The following UBXN6 variants were observed in gnomAD, a reference collection of about 807,000 sequenced individuals.
UBXN6 encodes UBX domain protein 6.
Under a neutral mutation model 51.4 loss-of-function variants are expected in UBXN6, and 44 were observed. The observed-to-expected ratio is 0.86, with a 90% CI of 0.67 to 1.10. The LOEUF is 1.10. UBXN6 is among the 50% of genes least tolerant of loss of function. The pLI is 0.00. For synonymous variants in UBXN6, 316 were observed against 263.2 expected (o/e 1.20, Z -1.94); for missense variants, 672 against 596.1 (o/e 1.13, Z -1.32).
At chr19:4,445,784 G>C in intron 10 of UBXN6, 161 bp from the exon 11 acceptor site, 1 of 1,233,794 alleles carries the variant, frequency 8.1e-7, no homozygotes, top group Non-Finnish European at 1.1e-6. Flanking sequence ...CTCCCTCCGG[G>C]ACTCCAGGAC....
At chr19:4,447,514 C>T in intron 6 of UBXN6, 36 bp downstream of exon 6, 1 of 1,611,982 alleles carries the variant, frequency 6.2e-7, no homozygotes, top group Non-Finnish European at 8.5e-7. Flanking sequence ...GCCCCCACCC[C>T]CAGCCTGGGC....
At position 4,445,064 on chromosome 19, in the gene UBXN6, A is replaced by G. The variant is rs2062859146; in HGVS notation, c.*434T>C. 1.1e-5 allele frequency: 2 copies of G among 183,228 alleles called. No individual in the cohort carries two copies. The highest frequency in any genetic ancestry group is 1.1e-4 in the South Asian group (1 of 8,948). 11.4% of individuals were successfully genotyped at this position (183,228 alleles called of 1,614,324 possible). A position where few individuals can be genotyped will look rare whatever the true frequency, so the allele number is the denominator to read the frequency against. Reference sequence around the variant, plus strand: ...ATTTACTAACTGCAGGTCTATGTGCAGGAAGGCCAGCATCCCCTCCTGCCG... The same window carrying G: ...ATTTACTAACTGCAGGTCTATGTGCGGGAAGGCCAGCATCCCCTCCTGCCG... On this transcript the variant is annotated 3_prime_UTR_variant, in exon 11 of 11. Coordinates refer to ENST00000301281, the MANE Select transcript of UBXN6 (RefSeq NM_025241.3).
At chr19:4,447,474 TG>T in intron 6 of UBXN6, 75 bp downstream of exon 6, 1 of 1,534,764 alleles carries the variant, frequency 6.5e-7, no homozygotes, top group Non-Finnish European at 9.0e-7. Flanking sequence ...CCGCCTGGTG[TG>T]GGCCACCACC....
In UBXN6 at chr19:4,455,132, G is replaced by A. The variant is rs1478062873; in HGVS notation, c.84-1039C>T. 3.4e-6 allele frequency: 3 copies of A among 887,342 alleles called. No homozygotes were observed. In the African/African-American group the frequency reaches 5.4e-5, roughly 16 times the overall value. The allele number at this position is 887,342 out of a possible 1,614,324, so 55.0% of individuals were successfully genotyped here. On this transcript the variant is annotated intron_variant, in intron 1 of 10. Transcript: ENST00000301281. ...ACCCACGTGGCACAGTGACCTGGCA[G>A]AGAAGCCTCGCAGAGAAGCCCTTTC...
Position 4,457,744 on chromosome 19 carries a change from CG to C in UBXN6, c.-48del. ...GGGGGGCCGCGGGGGCGGGGGGGCACGGGGCCCAGTCGGGGACGGGGCCGCC... is the reference window on the plus strand; with the variant it reads ...GGGGGGCCGCGGGGGCGGGGGGGCACGGGCCCAGTCGGGGACGGGGCCGCC... On this transcript the variant is annotated 5_prime_UTR_variant, in exon 1 of 11. Transcript: ENST00000301281. 1.7e-6 allele frequency: 2 copies of C among 1,202,480 alleles called. No individual in the cohort carries two copies. The highest frequency in any genetic ancestry group is 2.9e-5 in the South Asian group (2 of 69,754). 74.5% of individuals were successfully genotyped at this position (1,202,480 alleles called of 1,614,324 possible). A position where few individuals can be genotyped will look rare whatever the true frequency, so the allele number is the denominator to read the frequency against.
rs1443071944 is a variant in UBXN6, at chr19:4,446,359, C to T, written c.975G>A (p.Lys325=). 6 of 1,572,682 alleles carry T rather than the reference C, an allele frequency of 3.8e-6. No individual in the cohort carries two copies. Among genetic ancestry groups the T allele is most frequent in the Non-Finnish European group, 5.1e-6 (6 of 1,165,846 alleles). The change falls in exon 9 of 11, where the codon AAG becomes AAA. Residue 325 remains lysine, a synonymous_variant. Coordinates refer to ENST00000301281, the MANE Select transcript of UBXN6 (RefSeq NM_025241.3). ...ACTTGCGCAGCCCCCGCTGCTCCTCCTTCTCCCGCATGGCCTTGGTCCGCA... is the reference window on the plus strand; with the variant it reads ...ACTTGCGCAGCCCCCGCTGCTCCTCTTTCTCCCGCATGGCCTTGGTCCGCA... ...SVLRTKAMRE[K]EEQRGLRKYN... is the part of the protein sequence containing the mutation.
At chr19:4,447,677 C>G in intron 5 of UBXN6, 52 bp from the exon 6 acceptor site, 3 of 1,573,008 alleles carry the variant, frequency 1.9e-6, no homozygotes, top group Non-Finnish European at 2.6e-6. Context: ...GCCCACCCGG[C>G]CCCTCTGTGC....
At chr19:4,445,961 G>C in intron 10 of UBXN6, 88 bp downstream of exon 10, 1 of 1,508,318 alleles carries the variant, frequency 6.6e-7, no homozygotes, top group Non-Finnish European at 8.8e-7. Context: ...TGAGAACAAG[G>C]AGGCTCCCTC....
chr19:4,447,400 C>A, intron 6 of UBXN6, 150 bp downstream of exon 6: 1 of 783,840 alleles, frequency 1.3e-6, no homozygotes, highest in Admixed American at 2.2e-5. Flanking sequence ...GTCCTGCTAC[C>A]TTCTACTGGC....
intron 9 of UBXN6, 35 bp from the exon 10 acceptor site, chr19:4,446,232 A>G: frequency 6.3e-7 from 1 of 1,577,792 alleles, no homozygotes; most frequent in African/African-American, 1.3e-5. Flanking sequence ...GGTGGGGCCC[A>G]GGGCCCCCTA....
chr19:4,447,758 G>A (rs1293752408), intron 5 of UBXN6, 133 bp from the exon 6 acceptor site: 25 of 857,582 alleles, frequency 2.9e-5, no homozygotes, highest in Admixed American at 3.9e-5. Flanking sequence ...GCCCAGTGAC[G>A]CGAGGGCAGC....
Position 4,446,595 on chromosome 19 carries a change from G to A in UBXN6, c.825C>T (p.Arg275=), listed in dbSNP as rs566398192. 1.2e-4 allele frequency: 188 copies of A among 1,612,658 alleles called. No homozygotes were observed. The highest frequency in any genetic ancestry group is 6.9e-4 in the East Asian group (31 of 44,872). The change falls in exon 8 of 11, where the codon CGC becomes CGT. Residue 275 remains arginine (R), a synonymous_variant. Coordinates refer to ENST00000301281, the MANE Select transcript of UBXN6 (RefSeq NM_025241.3). ...PVRAKLDRQR[R]VFQPSPLASQ... is the part of the protein sequence containing the mutation. ...AGGCCAGGGGCGAGGGCTGGAAGAC[G>A]CGGCGCTGCCTGTCCAGCTTGGCGC...
At chr19:4,446,979 C>T (rs1290412711) in intron 6 of UBXN6, 59 bp from the exon 7 acceptor site, 3 of 1,539,560 alleles carry the variant, frequency 1.9e-6, no homozygotes, top group South Asian at 1.1e-5. Flanking sequence ...CCTGGCCACA[C>T]CCCACCCAGT....
Position 4,452,481 on chromosome 19 carries a change from G to A in UBXN6, c.324C>T (p.Pro108=), listed in dbSNP as rs1329625902. Residue 108 remains proline (P), a synonymous_variant, in exon 4 of 11, where the codon CCC becomes CCT. Transcript: ENST00000301281. The part of the protein sequence containing the change: ...EAPGTNVVSE[P]REEGSAHLAV... ...CCAGGTGGGCAGAGCCTTCCTCTCT[G>A]GGCTCAGATACCTGGGGCGGTGAAA... 2 of 1,610,910 alleles carry A rather than the reference G, an allele frequency of 1.2e-6. No individual in the cohort carries two copies. Among genetic ancestry groups the A allele is most frequent in the African/African-American group, 2.7e-5 (2 of 74,832 alleles).
In UBXN6 at chr19:4,453,616, G is replaced by A. The variant is rs1030424761; in HGVS notation, c.248-94C>T. On this transcript the variant is annotated intron_variant, in intron 2 of 10. Coordinates refer to ENST00000301281, the MANE Select transcript of UBXN6 (RefSeq NM_025241.3). ...CCCTCATTCCCGGGGTGGGCCTGGGGGCCACGCACACCGCCCCAGCCTGCT... is the reference window on the plus strand; with the variant it reads ...CCCTCATTCCCGGGGTGGGCCTGGGAGCCACGCACACCGCCCCAGCCTGCT... 19 of 1,459,274 alleles carry A rather than the reference G, an allele frequency of 1.3e-5. No homozygotes were observed. The African/African-American group carries it at 2.5e-4, about 19-fold the overall frequency. The allele number at this position is 1,459,274 out of a possible 1,614,324, so 90.4% of individuals were successfully genotyped here. A position where few individuals can be genotyped will look rare whatever the true frequency, so the allele number is the denominator to read the frequency against.
At position 4,445,530 on chromosome 19, in the gene UBXN6, C is replaced by CG; in HGVS notation, c.1293dup (p.Glu432ArgfsTer13). 6.2e-7 allele frequency: 1 copy of CG among 1,613,936 alleles called. No homozygotes were observed. The highest frequency in any genetic ancestry group is 8.5e-7 in the Non-Finnish European group (1 of 1,180,004). On this transcript the variant is annotated frameshift_variant, in exon 11 of 11. Coordinates refer to ENST00000301281, the MANE Select transcript of UBXN6 (RefSeq NM_025241.3). LOFTEE classifies it high-confidence loss of function. ...AGCTTCTCGATGGCTGACAGGAGCT[C>CG]GGGTTTCAGGATGGAGTCCGGCTCG...
chr19:4,448,927 GTC>G (rs1357534333), intron 4 of UBXN6: 1 of 158,720 alleles, frequency 6.3e-6, no homozygotes, highest in African/African-American at 2.4e-5. Context: ...ACACAAATGA[GTC>G]TGCAACCCTC....
Position 4,457,656 on chromosome 19 carries a change from G to A in UBXN6, c.42C>T (p.Phe14=), listed in dbSNP as rs1231375821. Residue 14 remains phenylalanine, a synonymous_variant, in exon 1 of 11, where the codon TTC becomes TTT. Transcript: ENST00000301281. Reference sequence around the variant, plus strand: ...GCTTCTGACCGGGTCCCGCGCTCTTGAACTTGATGTCGGCCTTGAACTCCT... The same window carrying A: ...GCTTCTGACCGGGTCCCGCGCTCTTAAACTTGATGTCGGCCTTGAACTCCT... The part of the protein sequence containing the change: ...FFQEFKADIK[F]KSAGPGQKLK... 1 of 1,602,320 alleles carries A rather than the reference G, an allele frequency of 6.2e-7. No individual in the cohort carries two copies. Among genetic ancestry groups the A allele is most frequent in the Non-Finnish European group, 8.5e-7 (1 of 1,175,636 alleles).
intron 5 of UBXN6, 77 bp downstream of exon 5, chr19:4,448,240 AG>A (rs1171951828): frequency 6.9e-6 from 9 of 1,313,728 alleles, no homozygotes; most frequent in Non-Finnish European, 7.4e-6. Flanking sequence ...AGGGGGCCAG[AG>A]GGGGTGACAG....
Sources: allele counts gnomAD v4.1 joint callset, GRCh38; gene constraint gnomAD v4.1.1; transcripts MANE v1.5; gene names NCBI Gene and HGNC (gene_info 2026-07-23, HGNC 2026-07-21).